Variants in SLC4A10 observed in about 807,000 individuals in gnomAD.
SLC4A10 encodes solute carrier family 4 member 10, also known as sodium-driven chloride bicarbonate exchanger.
In SLC4A10, 42 loss-of-function variants were observed where a neutral mutation model predicts 137.7. That is an observed-to-expected ratio of 0.30 (90% CI 0.24 to 0.39). The LOEUF (loss-of-function observed/expected upper bound fraction) is 0.39, where lower values mean the gene tolerates loss of function less well. Among genes scored for constraint, SLC4A10 ranks in the 10% least tolerant of loss-of-function variants. The pLI, the probability that SLC4A10 is intolerant of heterozygous loss-of-function variation, is 1.00. For missense variants in SLC4A10, 925 were observed against 1,355.0 expected, an observed-to-expected ratio of 0.68 and a Z score of 4.98; for synonymous variants, 474 against 464.1, an observed-to-expected ratio of 1.02 and a Z score of -0.27.
chr2:161,747,141 G>A (rs2048470621), intron 1 of SLC4A10, among the ~76,000 whole-genome samples: 1 of 152,236 alleles, frequency 6.6e-6, no homozygotes, highest in African/African-American at 2.4e-5. Flanking sequence ...CTTAGGAATT[G>A]CAGCCCTTGT....
At chr2:161,631,914 A>G (rs981353973) in intron 1 of SLC4A10, among the ~76,000 whole-genome samples, 6 of 151,728 alleles carry the variant, frequency 4.0e-5, no homozygotes, top group African/African-American at 1.4e-4. Context: ...ATAGTTTTGA[A>G]TTAATGACAA....
chr2:161,840,055 C>A, intron 4 of SLC4A10, 128 bp downstream of exon 4: 1 of 1,105,916 alleles, frequency 9.0e-7, no homozygotes, highest in African/African-American at 1.5e-5. Flanking sequence ...GCTCATCTAG[C>A]CTGAGCATAT....
At chr2:161,719,207 T>A (rs1357191099) in intron 1 of SLC4A10, among the ~76,000 whole-genome samples, 1 of 152,152 alleles carries the variant, frequency 6.6e-6, no homozygotes, top group African/African-American at 2.4e-5. Context: ...TCCAGCTTCA[T>A]CCATGTCCCT....
intron 1 of SLC4A10, among the ~76,000 whole-genome samples, chr2:161,682,456 C>T (rs999777693): frequency 6.6e-6 from 1 of 152,014 alleles, no homozygotes; most frequent in Non-Finnish European, 1.5e-5. Flanking sequence ...AATGGTAAGG[C>T]AAATGAATTC....
intron 4 of SLC4A10, among the ~76,000 whole-genome samples, chr2:161,843,517 A>G (rs1023076839): frequency 6.6e-6 from 1 of 152,132 alleles, no homozygotes; most frequent in African/African-American, 2.4e-5. Context: ...ATAATAACAG[A>G]TATTGAAGGG....
chr2:161,931,908 C>A (rs1690462495), intron 15 of SLC4A10, among the ~76,000 whole-genome samples: 1 of 152,162 alleles, frequency 6.6e-6, no homozygotes, highest in Admixed American at 6.5e-5. Flanking sequence ...TACCTATATA[C>A]ACTTTATGTA....
chr2:161,711,190 G>T (rs897477370), intron 1 of SLC4A10, among the ~76,000 whole-genome samples: 4 of 151,808 alleles, frequency 2.6e-5, no homozygotes, highest in Non-Finnish European at 5.9e-5. Context: ...TTTGCATGTT[G>T]TATAAGCCAT....
rs556685967 is a variant in SLC4A10 at position 161,649,137 on chromosome 2, G to A, written c.48+24571G>A. On this transcript the variant is annotated intron_variant, in intron 1 of 26. Transcript: ENST00000446997. ...TAATCCCAGCACTTTGGAGGCCGAG[G>A]TGGTGGATCCCTTTGACTCAAGAGT... 4.0e-4 allele frequency among the ~76,000 whole-genome samples: 61 copies of A among 152,316 alleles called. 1 individual carries two copies. The South Asian group carries it at 0.011, about 26-fold the overall frequency.
At chr2:161,719,671 T>TA (rs1491551316) in intron 1 of SLC4A10, among the ~76,000 whole-genome samples, 1 of 152,224 alleles carries the variant, frequency 6.6e-6, no homozygotes, top group Non-Finnish European at 1.5e-5. Context: ...AGCATTTTTT[T>TA]ATGTGTCTGT....
chr2:161,803,912 G>T (rs529343791), intron 2 of SLC4A10, among the ~76,000 whole-genome samples: 1 of 152,274 alleles, frequency 6.6e-6, no homozygotes, highest in Non-Finnish European at 1.5e-5. Context: ...ATATGCCAGA[G>T]TCGAAACTCT....
At chr2:161,907,768 C>CT (rs1684798098) in intron 15 of SLC4A10, among the ~76,000 whole-genome samples, 1 of 152,248 alleles carries the variant, frequency 6.6e-6, no homozygotes, top group Admixed American at 6.5e-5. Flanking sequence ...TGCATTCATG[C>CT]TTTAAAATAT....
intron 15 of SLC4A10, among the ~76,000 whole-genome samples, chr2:161,925,229 G>C (rs1042178102): frequency 3.9e-5 from 6 of 152,268 alleles, no homozygotes; most frequent in Middle Eastern, 3.4e-3. Context: ...TTCAGAGCCT[G>C]TTATTGGTCT....
chr2:161,872,787 C>T (rs998292813), intron 7 of SLC4A10, among the ~76,000 whole-genome samples: 5 of 152,176 alleles, frequency 3.3e-5, no homozygotes, highest in African/African-American at 1.2e-4. Context: ...AATCTTGGCT[C>T]ACTGCAACCT....
chr2:161,845,649 C>T lies in SLC4A10; in HGVS notation c.416+5722C>T, dbSNP rs149005185. 5.3e-5 allele frequency among the ~76,000 whole-genome samples: 8 copies of T among 151,794 alleles called. No individual in the cohort carries two copies. The East Asian group carries it at 7.8e-4, about 15-fold the overall frequency. ...ATTTCAGACACATAAATCACTGGAA[C>T]GGAATAGAGAACTAAGAAATAGACC... On this transcript the variant is annotated intron_variant, in intron 4 of 26. Coordinates refer to ENST00000446997, the MANE Select transcript of SLC4A10 (RefSeq NM_001178015.2).
intron 12 of SLC4A10, 65 bp downstream of exon 12, chr2:161,901,076 A>T: frequency 8.0e-7 from 1 of 1,248,094 alleles, no homozygotes; most frequent in Non-Finnish European, 1.1e-6. Flanking sequence ...CTCTGTCAGA[A>T]ATTGCTATTT....
At chr2:161,885,154 G>A (rs994389057) in intron 10 of SLC4A10, among the ~76,000 whole-genome samples, 1 of 151,854 alleles carries the variant, frequency 6.6e-6, no homozygotes, top group Non-Finnish European at 1.5e-5. Context: ...CTCCAGCCTG[G>A]GTGATGGAGC....
chr2:161,827,635 G>A (rs975980179), intron 3 of SLC4A10, among the ~76,000 whole-genome samples: 2 of 151,406 alleles, frequency 1.3e-5, no homozygotes, highest in African/African-American at 2.4e-5. Flanking sequence ...GCGCGATCTC[G>A]GCTCACTGCA....
In SLC4A10 at chr2:161,715,452, A is replaced by T. The variant is rs2044748117; in HGVS notation, c.49-55521A>T. On this transcript the variant is annotated intron_variant, in intron 1 of 26. Transcript: ENST00000446997. ...GCACCTATCAACCCATCACCTAGGTATTAAGCCCAGCATGCATTAGCTATT... is the reference window on the plus strand; with the variant it reads ...GCACCTATCAACCCATCACCTAGGTTTTAAGCCCAGCATGCATTAGCTATT... Among the ~76,000 whole-genome samples, 5 of 152,114 alleles carry T rather than the reference A, an allele frequency of 3.3e-5. No individual in the cohort carries two copies. The South Asian group carries it at 1.0e-3, about 32-fold the overall frequency.
At chr2:161,718,090 G>C (rs576010132) in intron 1 of SLC4A10, among the ~76,000 whole-genome samples, 12 of 152,140 alleles carry the variant, frequency 7.9e-5, no homozygotes, top group Non-Finnish European at 1.3e-4. Context: ...TAGTTTGTTT[G>C]CATAGAGGTG....
Sources: allele counts gnomAD v4.1 joint callset (sites outside exome capture counted in the v4.1 genomes callset), GRCh38; gene constraint gnomAD v4.1.1; transcripts MANE v1.5; gene names NCBI Gene and HGNC (gene_info 2026-07-23, HGNC 2026-07-21).